Variants in ARAP2 observed in about 807,000 individuals in gnomAD.
ARAP2 encodes the protein arf-GAP with Rho-GAP domain, ANK repeat and PH domain-containing protein 2.
Under a neutral mutation model 194.5 loss-of-function variants are expected in ARAP2, and 148 were observed. The observed-to-expected ratio is 0.76, with a 90% confidence interval of 0.67 to 0.87. The LOEUF (loss-of-function observed/expected upper bound fraction) is 0.87. Ranked by LOEUF, ARAP2 falls within the 40% of genes least tolerant of loss-of-function variation. The probability of loss-of-function intolerance (pLI) is 0.00; values close to 1 mark genes in which losing one functional copy is unlikely to be tolerated. For synonymous variants in ARAP2, 695 were observed against 683.5 expected (o/e 1.02, Z -0.26); for missense variants, 2,128 against 1,989.7 (o/e 1.07, Z -1.32).
chr4:36,029,666 C>G (rs1249824276), intron 5 of ARAP2, among the ~76,000 whole-genome samples: 1 of 151,612 alleles, frequency 6.6e-6, no homozygotes, highest in Non-Finnish European at 1.5e-5. Flanking sequence ...ATTCTTTTCC[C>G]TCTCTGCATG....
At chr4:36,118,906 C>A (rs1200382715) in intron 24 of ARAP2, among the ~76,000 whole-genome samples, 1 of 151,306 alleles carries the variant, frequency 6.6e-6, no homozygotes, top group Non-Finnish European at 1.5e-5. Context: ...GTGGATATTT[C>A]AGGACTGAGG....
chr4:36,130,499 T>C (rs1725161534), intron 20 of ARAP2, among the ~76,000 whole-genome samples: 1 of 151,756 alleles, frequency 6.6e-6, no homozygotes, highest in African/African-American at 2.4e-5. Flanking sequence ...TCTAACTAGC[T>C]CCCATTTTCT....
At chr4:36,075,746 G>A (rs1728106906) in intron 31 of ARAP2, among the ~76,000 whole-genome samples, 1 of 151,998 alleles carries the variant, frequency 6.6e-6, no homozygotes, top group African/African-American at 2.4e-5. Context: ...ATACTTGCCT[G>A]GCAAAGCCCC....
chr4:36,032,381 A>T (rs1051645675), intron 5 of ARAP2, among the ~76,000 whole-genome samples: 31 of 152,238 alleles, frequency 2.0e-4, no homozygotes, highest in African/African-American at 7.5e-4. Context: ...TGTCAAAGCC[A>T]TTCAAAAACT....
intron 2 of ARAP2, among the ~76,000 whole-genome samples, chr4:36,225,300 C>T (rs1026316513): frequency 3.3e-5 from 5 of 152,130 alleles, no homozygotes. Flanking sequence ...GAAAGATGTA[C>T]AAAAATCACT....
chr4:36,242,229 G>C (rs1424420404), intron 1 of ARAP2, among the ~76,000 whole-genome samples: 1 of 152,226 alleles, frequency 6.6e-6, no homozygotes, highest in South Asian at 2.1e-4. Flanking sequence ...AGATTATTAA[G>C]AAGTTCTCTA....
intron 1 of ARAP2, chr4:36,243,837 T>C (rs1007822443): frequency 6.6e-6 from 1 of 152,240 alleles, no homozygotes; most frequent in East Asian, 1.9e-4. Flanking sequence ...ATTCATGATC[T>C]CTACCGAGTA....
chr4:36,033,754 T>C (rs950794318), intron 5 of ARAP2, among the ~76,000 whole-genome samples: 6 of 152,284 alleles, frequency 3.9e-5, no homozygotes, highest in Non-Finnish European at 7.4e-5. Flanking sequence ...TTAGCTAGGA[T>C]GTCTTCAAGG....
At chr4:36,133,476 C>A (rs1725927495) in intron 19 of ARAP2, 87 bp from the exon 20 acceptor site, 2 of 1,198,218 alleles carry the variant, frequency 1.7e-6, no homozygotes, top group African/African-American at 1.5e-5. Flanking sequence ...AAAATCCACA[C>A]AATCATGCAA....
intron 5 of ARAP2, among the ~76,000 whole-genome samples, chr4:36,041,917 C>A (rs1720936132): frequency 6.6e-6 from 1 of 152,094 alleles, no homozygotes; most frequent in Admixed American, 6.5e-5. Flanking sequence ...CAAACTAACA[C>A]AGGAATGGGA....
chr4:36,065,263 T>C, downstream of ARAP2: 1 of 430,596 alleles, frequency 2.3e-6, no homozygotes, highest in Non-Finnish European at 4.8e-6. Flanking sequence ...ACATCAGGCC[T>C]TGTTGAGGGC....
At chr4:36,210,800 G>T in intron 5 of ARAP2, 57 bp from the exon 6 acceptor site, 1 of 1,257,752 alleles carries the variant, frequency 8.0e-7, no homozygotes, top group South Asian at 1.5e-5. Context: ...TAAGACATCA[G>T]TGACATTTTG....
At chr4:36,041,104 C>T (rs1184239197) in intron 5 of ARAP2, among the ~76,000 whole-genome samples, 7 of 151,604 alleles carry the variant, frequency 4.6e-5, no homozygotes, top group Non-Finnish European at 7.4e-5. Context: ...TGGGTTTTGT[C>T]GATAGTTCTC....
intron 6 of ARAP2, among the ~76,000 whole-genome samples, chr4:36,202,249 T>C (rs1744513066): frequency 6.6e-6 from 1 of 152,170 alleles, no homozygotes; most frequent in African/African-American, 2.4e-5. Flanking sequence ...AGCAGAAGAC[T>C]TTTAAACGAT....
chr4:36,197,848 C>T (rs756181929), intron 6 of ARAP2, among the ~76,000 whole-genome samples: 13 of 152,126 alleles, frequency 8.5e-5, no homozygotes, highest in South Asian at 2.1e-4. Context: ...AACATGGTGG[C>T]GGCTGGAAGC....
chr4:36,206,537 C>T (rs576603398), intron 6 of ARAP2, among the ~76,000 whole-genome samples: 8 of 152,286 alleles, frequency 5.3e-5, no homozygotes, highest in Non-Finnish European at 7.3e-5. Context: ...AAATCTTATC[C>T]GTTTTGCAAA....
chr4:36,080,104 G>A lies in ARAP2; in HGVS notation c.4608+112C>T, dbSNP rs1729153035. 3 of 795,890 alleles carry A rather than the reference G, an allele frequency of 3.8e-6. No homozygotes were observed. The East Asian group carries it at 8.3e-5, about 22-fold the overall frequency. 49.3% of individuals were successfully genotyped at this position (795,890 alleles called of 1,614,324 possible). A position where few individuals can be genotyped will look rare whatever the true frequency, so the allele number is the denominator to read the frequency against. ...GAGAGAATCAAAGTTTATGCCAATT[G>A]TACATACATTTAAAATGCTTATTAA... On this transcript the variant is annotated intron_variant, in intron 31 of 32. Coordinates refer to ENST00000303965, the MANE Select transcript of ARAP2 (RefSeq NM_015230.4).
At chr4:36,100,661 G>A (rs1716627337) in intron 27 of ARAP2, among the ~76,000 whole-genome samples, 1 of 151,988 alleles carries the variant, frequency 6.6e-6, no homozygotes, top group African/African-American at 2.4e-5. Flanking sequence ...TTCACTGTAT[G>A]ATATTCACTC....
chr4:36,035,362 T>C (rs1243560382), intron 5 of ARAP2, among the ~76,000 whole-genome samples: 1 of 152,098 alleles, frequency 6.6e-6, no homozygotes, highest in Non-Finnish European at 1.5e-5. Context: ...TTGTGGACCA[T>C]TTCTTCTCAT....
Sources: allele counts gnomAD v4.1 joint callset (sites outside exome capture counted in the v4.1 genomes callset), GRCh38; gene constraint gnomAD v4.1.1; transcripts MANE v1.5; gene names NCBI Gene and HGNC (gene_info 2026-07-23, HGNC 2026-07-21).